The following DLGAP1 variants were observed in gnomAD, a reference collection of about 807,000 sequenced individuals.
The protein encoded by DLGAP1 is DLG associated protein 1, also known as disks large-associated protein 1.
Under a neutral mutation model 90.8 loss-of-function variants are expected in DLGAP1, and 11 were observed. That is an observed-to-expected ratio of 0.12 (90% CI 0.08 to 0.20). The LOEUF is 0.20. DLGAP1 is among the 10% of genes least tolerant of loss of function. The pLI is 1.00. For synonymous variants in DLGAP1, 558 were observed against 540.7 expected (o/e 1.03, Z -0.44); for missense variants, 1,050 against 1,333.8 (o/e 0.79, Z 3.31).
At chr18:4,406,538 T>C (rs891262885) in intron 1 of DLGAP1, among the ~76,000 whole-genome samples, 1 of 152,182 alleles carries the variant, frequency 6.6e-6, no homozygotes, top group Non-Finnish European at 1.5e-5. Context: ...CTGAGAACAC[T>C]GAGGTTAACA....
chr18:3,815,112 T>C (rs2067037942), intron 4 of DLGAP1, among the ~76,000 whole-genome samples: 1 of 152,212 alleles, frequency 6.6e-6, no homozygotes, highest in African/African-American at 2.4e-5. Context: ...CAATTTTATT[T>C]GAGCTTTTCA....
intron 5 of DLGAP1, among the ~76,000 whole-genome samples, chr18:3,799,289 C>T (rs1423910087): frequency 2.0e-5 from 3 of 152,164 alleles, no homozygotes; most frequent in Non-Finnish European, 2.9e-5. Context: ...TTATTTCAGG[C>T]TGCCTCTAAG....
At chr18:3,641,794 A>G (rs2058955601) in intron 7 of DLGAP1, among the ~76,000 whole-genome samples, 1 of 152,208 alleles carries the variant, frequency 6.6e-6, no homozygotes, top group African/African-American at 2.4e-5. Flanking sequence ...TCTCATATGT[A>G]CTATAGATGC....
chr18:3,849,116 G>A (rs1476131036), intron 4 of DLGAP1, among the ~76,000 whole-genome samples: 1 of 152,138 alleles, frequency 6.6e-6, no homozygotes, highest in Admixed American at 6.5e-5. Flanking sequence ...TTGGCTCATT[G>A]TCTGATTAAG....
intron 7 of DLGAP1, among the ~76,000 whole-genome samples, chr18:3,591,996 T>C (rs948110201): frequency 3.3e-5 from 5 of 152,166 alleles, no homozygotes; most frequent in Admixed American, 6.5e-5. Flanking sequence ...ATAGCAATTG[T>C]ACCAACATCT....
At chr18:3,568,336 C>G (rs1230374888) in intron 8 of DLGAP1, among the ~76,000 whole-genome samples, 1 of 151,878 alleles carries the variant, frequency 6.6e-6, no homozygotes, top group Non-Finnish European at 1.5e-5. Context: ...ATTTTTCTCC[C>G]CTTAAATAAA....
intron 1 of DLGAP1, among the ~76,000 whole-genome samples, chr18:4,194,928 C>A (rs553522912): frequency 6.6e-6 from 1 of 152,078 alleles, no homozygotes. Context: ...TTTGTGTGTG[C>A]GTGGTGAGAT....
chr18:3,583,143 G>GACCTACCTACCTACCTACCTACCT (rs764967145), intron 7 of DLGAP1, among the ~76,000 whole-genome samples: 2 of 113,610 alleles, frequency 1.8e-5, no homozygotes, highest in Non-Finnish European at 4.0e-5. Context: ...CTGACTGACC[G>GACCTACCTACCTACCTACCTACCT]ACCTACCTAC....
chr18:3,636,832 C>T lies in DLGAP1; in HGVS notation c.1592-54584G>A, dbSNP rs569800946. 3.0e-4 allele frequency among the ~76,000 whole-genome samples: 45 copies of T among 149,182 alleles called. 1 individual carries two copies. The highest frequency in any genetic ancestry group is 6.4e-4 in the South Asian group (3 of 4,702). On this transcript the variant is annotated intron_variant, in intron 7 of 12. Transcript: ENST00000315677. ...ATCCGCCTCCCAGGTTCAAGTGATT[C>T]CCCTGCCTCAGCCTCTCAAGCAGCT...
chr18:4,418,468 A>G (rs932593238), intron 1 of DLGAP1, among the ~76,000 whole-genome samples: 3 of 152,200 alleles, frequency 2.0e-5, no homozygotes, highest in Non-Finnish European at 4.4e-5. Context: ...AAAGAAGGAT[A>G]TGATAAAAGA....
chr18:4,322,816 C>A (rs1057202190), intron 1 of DLGAP1, among the ~76,000 whole-genome samples: 4 of 151,946 alleles, frequency 2.6e-5, no homozygotes, highest in Non-Finnish European at 5.9e-5. Context: ...CAAAAATTAG[C>A]CAGGCGTTTT....
chr18:4,100,903 G>T (rs1313244325), intron 2 of DLGAP1, among the ~76,000 whole-genome samples: 3 of 152,186 alleles, frequency 2.0e-5, no homozygotes, highest in Non-Finnish European at 4.4e-5. Flanking sequence ...ATTGAAGAGA[G>T]TCAGGGCCTT....
intron 1 of DLGAP1, among the ~76,000 whole-genome samples, chr18:4,381,881 G>A (rs539367351): frequency 2.1e-4 from 32 of 152,108 alleles, no homozygotes; most frequent in Non-Finnish European, 1.2e-4. Flanking sequence ...ACAGTTCCAC[G>A]TGGCTGGGGA....
chr18:3,868,011 C>A (rs2070510812), intron 4 of DLGAP1, among the ~76,000 whole-genome samples: 1 of 152,236 alleles, frequency 6.6e-6, no homozygotes, highest in East Asian at 1.9e-4. Context: ...CACCACACAC[C>A]CCTCACAGAA....
intron 7 of DLGAP1, among the ~76,000 whole-genome samples, chr18:3,716,247 T>C (rs1007640898): frequency 6.6e-6 from 1 of 152,260 alleles, no homozygotes; most frequent in Non-Finnish European, 1.5e-5. Flanking sequence ...TAGCTATTTC[T>C]TTATTAAAAA....
chr18:3,715,571 A>T (rs570329859), intron 7 of DLGAP1, among the ~76,000 whole-genome samples: 1 of 152,336 alleles, frequency 6.6e-6, no homozygotes, highest in East Asian at 1.9e-4. Context: ...GACTCTTCAC[A>T]ATTCCACCCA....
intron 3 of DLGAP1, among the ~76,000 whole-genome samples, chr18:3,910,817 C>T (rs2072016837): frequency 6.6e-6 from 1 of 151,888 alleles, no homozygotes; most frequent in African/African-American, 2.4e-5. Flanking sequence ...AAAAATATTG[C>T]AGAAAATTAG....
intron 5 of DLGAP1, among the ~76,000 whole-genome samples, chr18:3,809,695 G>A (rs920006890): frequency 6.6e-6 from 1 of 152,176 alleles, no homozygotes; most frequent in African/African-American, 2.4e-5. Context: ...GAAGTATTAA[G>A]ACACTTTAAA....
intron 7 of DLGAP1, among the ~76,000 whole-genome samples, chr18:3,585,120 C>T (rs2055798797): frequency 6.6e-6 from 1 of 152,180 alleles, no homozygotes; most frequent in Non-Finnish European, 1.5e-5. Flanking sequence ...TTAGCTAATG[C>T]ACCTGACAGG....
Sources: gnomAD v4.1 joint callset for allele counts (sites outside exome capture counted in the v4.1 genomes callset) on GRCh38, gnomAD v4.1.1 for gene constraint, MANE v1.5 for transcripts, NCBI Gene and HGNC (gene_info 2026-07-23, HGNC 2026-07-21) for gene names.